The following GPLD1 variants were observed in gnomAD, a reference collection of about 807,000 sequenced individuals.
GPLD1 encodes the protein glycosylphosphatidylinositol specific phospholipase D1, also known as phosphatidylinositol-glycan-specific phospholipase D.
Under a neutral mutation model 112.6 loss-of-function variants are expected in GPLD1, and 84 were observed. That is an observed-to-expected ratio of 0.75 (90% CI 0.63 to 0.89). The LOEUF is 0.89. Among genes scored for constraint, GPLD1 ranks in the 40% least tolerant of loss-of-function variants. The pLI is 0.00. For missense variants in GPLD1, 1,044 were observed against 1,051.5 expected, an observed-to-expected ratio of 0.99 and a Z score of 0.10; for synonymous variants, 386 against 403.8, an observed-to-expected ratio of 0.96 and a Z score of 0.53.
downstream of GPLD1, chr6:24,425,558 A>C (rs150362809): frequency 6.6e-6 from 1 of 152,358 alleles, no homozygotes; most frequent in African/African-American, 2.4e-5. Context: ...TAAAGTTCTC[A>C]TAAATAATAA....
chr6:24,490,774 AAAAG>A (rs1305648408), upstream of GPLD1, among the ~76,000 whole-genome samples: 1 of 151,988 alleles, frequency 6.6e-6, no homozygotes, highest in Non-Finnish European at 1.5e-5. Context: ...AGAAAAGAAA[AAAAG>A]AAAGTGGAAT....
chr6:24,474,544 T>A (rs555138827), intron 5 of GPLD1, among the ~76,000 whole-genome samples: 13 of 152,322 alleles, frequency 8.5e-5, no homozygotes, highest in African/African-American at 3.1e-4. Context: ...ATTTATCAAT[T>A]ATTTTTGTGA....
intron 24 of GPLD1, among the ~76,000 whole-genome samples, chr6:24,430,248 A>T (rs2753927): frequency 0.73 from 110,574 of 152,088 alleles, 41,377 homozygotes; most frequent in Non-Finnish European, 0.83. Flanking sequence ...CTTCGGCTTC[A>T]CTCTGTTTTG....
intron 10 of GPLD1, among the ~76,000 whole-genome samples, chr6:24,466,347 C>T (rs1561847574): frequency 6.6e-6 from 1 of 152,190 alleles, no homozygotes; most frequent in East Asian, 1.9e-4. Flanking sequence ...GACTCTGTCT[C>T]AAAATAAAAA....
At chr6:24,485,049 A>G (rs1018926397) in intron 2 of GPLD1, among the ~76,000 whole-genome samples, 13 of 152,226 alleles carry the variant, frequency 8.5e-5, no homozygotes, top group African/African-American at 2.9e-4. Flanking sequence ...AAGATGGGTA[A>G]AGGTGAGTCA....
intron 2 of GPLD1, among the ~76,000 whole-genome samples, chr6:24,485,832 G>C (rs945475013): frequency 2.6e-5 from 4 of 151,928 alleles, no homozygotes; most frequent in Non-Finnish European, 4.4e-5. Context: ...ACCACGCCCG[G>C]CTAATTTTGG....
At chr6:24,456,679 A>T (rs116287860) in intron 12 of GPLD1, 42 bp from the exon 13 acceptor site, 2 of 1,396,344 alleles carry the variant, frequency 1.4e-6, no homozygotes, top group Non-Finnish European at 2.0e-6. Context: ...GACACGTAGC[A>T]TAATCAACAA....
chr6:24,450,296 T>C (rs1299736972), intron 14 of GPLD1, among the ~76,000 whole-genome samples: 2 of 150,230 alleles, frequency 1.3e-5, no homozygotes, highest in Non-Finnish European at 3.0e-5. Flanking sequence ...AGGTCAGGAG[T>C]TCAAAACCAG....
intron 10 of GPLD1, among the ~76,000 whole-genome samples, chr6:24,465,292 C>A (rs148654156): frequency 6.6e-6 from 1 of 151,626 alleles, no homozygotes; most frequent in Non-Finnish European, 1.5e-5. Flanking sequence ...GTAATCCCAG[C>A]ACTTTGGGAG....
chr6:24,468,815 T>C (rs552860602), intron 7 of GPLD1, among the ~76,000 whole-genome samples: 9 of 152,318 alleles, frequency 5.9e-5, no homozygotes, highest in South Asian at 2.1e-4. Flanking sequence ...CATTTATTGA[T>C]TGATGTCCCA....
upstream of GPLD1, among the ~76,000 whole-genome samples, chr6:24,490,451 T>C (rs570795173): frequency 2.6e-5 from 4 of 152,114 alleles, no homozygotes; most frequent in Admixed American, 6.5e-5. Flanking sequence ...AAAGGATGAA[T>C]AGAAAGTGGG....
At chr6:24,454,344 C>G (rs183563694) in intron 13 of GPLD1, 143 bp from the exon 14 acceptor site, 1 of 510,882 alleles carries the variant, frequency 2.0e-6, no homozygotes, top group Admixed American at 3.8e-5. Context: ...TGAATATTCA[C>G]TTCTCAGGTT....
intron 14 of GPLD1, among the ~76,000 whole-genome samples, chr6:24,450,196 A>G (rs1440291270): frequency 5.3e-5 from 8 of 152,212 alleles, no homozygotes; most frequent in Admixed American, 2.0e-4. Context: ...ACCCACATTA[A>G]GCACAAAACT....
chr6:24,441,836 C>T (rs1762754759), intron 20 of GPLD1, among the ~76,000 whole-genome samples: 2 of 151,908 alleles, frequency 1.3e-5, no homozygotes, highest in African/African-American at 2.4e-5. Context: ...AACTGGGCCC[C>T]GCAAACTGTG....
intron 12 of GPLD1, among the ~76,000 whole-genome samples, chr6:24,457,215 C>A (rs1227543630): frequency 2.0e-5 from 3 of 152,174 alleles, no homozygotes; most frequent in Non-Finnish European, 4.4e-5. Flanking sequence ...TGCAGTGGCT[C>A]ACACCTGTAA....
intron 20 of GPLD1, among the ~76,000 whole-genome samples, chr6:24,440,079 T>C (rs1202292352): frequency 6.7e-6 from 1 of 150,308 alleles, no homozygotes; most frequent in Non-Finnish European, 1.5e-5. Context: ...GAAACACAGG[T>C]GCATCTCACC....
At chr6:24,493,694 G>A (rs3761793), upstream of GPLD1, among the ~76,000 whole-genome samples, 20,279 of 152,142 alleles carry the variant, frequency 0.13, 1,466 homozygotes, top group South Asian at 0.17. Context: ...AAACTCTACT[G>A]TTATCACTTC....
intron 7 of GPLD1, among the ~76,000 whole-genome samples, chr6:24,468,561 A>T (rs60611260): frequency 0.064 from 9,470 of 148,568 alleles, 827 homozygotes; most frequent in African/African-American, 0.2. Flanking sequence ...TTTTATTTTT[A>T]TTTTTTTTTT....
intron 3 of GPLD1, among the ~76,000 whole-genome samples, 183 bp from the exon 4 acceptor site, chr6:24,476,461 T>C (rs1764023061): frequency 6.6e-6 from 1 of 152,120 alleles, no homozygotes; most frequent in South Asian, 2.1e-4. Flanking sequence ...GATTTTGGAA[T>C]ACGCGTGGTA....
Sources: allele counts gnomAD v4.1 joint callset (sites outside exome capture counted in the v4.1 genomes callset), GRCh38; gene constraint gnomAD v4.1.1; transcripts MANE v1.5; gene names NCBI Gene and HGNC (gene_info 2026-07-23, HGNC 2026-07-21).